The following TLE2 variants were observed in gnomAD, a reference collection of about 807,000 sequenced individuals.
The protein encoded by TLE2 is transducin-like enhancer protein 2.
In TLE2, 74 loss-of-function variants were observed where a neutral mutation model predicts 97.2. The ratio of observed to expected loss-of-function variants is 0.76; its 90% CI spans 0.63 to 0.92. The LOEUF (loss-of-function observed/expected upper bound fraction) is 0.92. TLE2 is among the 40% of genes least tolerant of loss of function. The pLI is 0.00. For synonymous variants in TLE2, 499 were observed against 432.1 expected (o/e 1.15, Z -1.92); for missense variants, 1,038 against 1,008.7 (o/e 1.03, Z -0.39).
upstream of TLE2, among the ~76,000 whole-genome samples, chr19:3,032,657 G>GCA (rs907894725): frequency 2.6e-5 from 4 of 152,084 alleles, no homozygotes; most frequent in African/African-American, 9.7e-5. This position sits in a 1 kb window ranked among gnomAD's most constrained non-coding sequence, Gnocchi z 4.1. Flanking sequence ...GCGGGGCCTG[G>GCA]CACACAGTAA....
At chr19:3,003,945 G>A (rs2089421254) in intron 17 of TLE2, among the ~76,000 whole-genome samples, 1 of 152,096 alleles carries the variant, frequency 6.6e-6, no homozygotes, top group Admixed American at 6.5e-5. Flanking sequence ...GACCTCAAGT[G>A]ATCCACCCAC....
chr19:3,046,603 G>A (rs1329836821), upstream of TLE2, among the ~76,000 whole-genome samples: 3 of 149,552 alleles, frequency 2.0e-5, no homozygotes, highest in African/African-American at 7.4e-5. Flanking sequence ...CTCCGCTAGA[G>A]TCCTGCCACC....
chr19:3,005,526 G>C lies in TLE2; in HGVS notation c.1807C>G (p.Arg603Gly), dbSNP rs760003015. The C allele has an allele frequency of 1.2e-6, 2 of 1,613,552 alleles. No individual in the cohort carries two copies. Among genetic ancestry groups the C allele is most frequent in the Admixed American group, 1.7e-5 (1 of 59,918 alleles). ...SCIDISDYGTRLWTGGLDNTV... is the reference protein window; with the variant it reads ...SCIDISDYGTGLWTGGLDNTV... The stretch of plus-strand genomic sequence containing the variant: ...TTGTCCAGGCCCCCTGTCCAGAGCC[G>C]AGTGCCGTAATCGGAAATATCAATG... Residue 603 changes from arginine (R) to glycine (G), a missense_variant, in exon 17 of 20, where the codon CGG (arginine) becomes GGG (glycine). By Grantham distance (125) the Arg-to-Gly change is moderately radical. Transcript: ENST00000262953.
intron 18 of TLE2, among the ~76,000 whole-genome samples, chr19:3,001,828 A>C (rs1599193274): frequency 2.5e-4 from 28 of 110,910 alleles, no homozygotes; most frequent in East Asian, 1.0e-3. Flanking sequence ...ATAGAATCTC[A>C]CTCTTGTCTC....
At chr19:3,017,937 G>T in intron 7 of TLE2, 78 bp from the exon 8 acceptor site, 1 of 1,416,094 alleles carries the variant, frequency 7.1e-7, no homozygotes, top group Non-Finnish European at 9.8e-7. Context: ...AGAGGGTACA[G>T]CCCTCCAGTT....
chr19:3,025,657 GACGAGA>G (rs1242615789), intron 4 of TLE2: 1 of 975,916 alleles, frequency 1.0e-6, no homozygotes, highest in Non-Finnish European at 1.2e-6. Flanking sequence ...AGGCTGAGCA[GACGAGA>G]AGGCGTGTGG....
chr19:3,015,993 G>A, intron 8 of TLE2: 2 of 621,056 alleles, frequency 3.2e-6, no homozygotes, highest in Non-Finnish European at 6.0e-6. Flanking sequence ...CTGGAGTGCA[G>A]TGGAGCCATC....
intron 18 of TLE2, among the ~76,000 whole-genome samples, chr19:3,001,512 G>T (rs538929826): frequency 1.6e-3 from 245 of 152,050 alleles, no homozygotes; most frequent in African/African-American, 5.3e-3. Flanking sequence ...AAGAGATAGG[G>T]TCTCACTGTA....
intron 19 of TLE2, among the ~76,000 whole-genome samples, chr19:2,999,462 T>C (rs1424258185): frequency 6.6e-6 from 1 of 152,114 alleles, no homozygotes; most frequent in Non-Finnish European, 1.5e-5. Context: ...GTGTGGTGGC[T>C]CACACCTGTA....
rs762816268 is a variant in TLE2 at position 3,019,449 on chromosome 19, C to T, written c.384G>A (p.Pro128=). 1.1e-5 allele frequency: 17 copies of T among 1,520,864 alleles called. No homozygotes were observed. The Admixed American group carries it at 2.1e-4, about 18-fold the overall frequency. 94.2% of individuals were successfully genotyped at this position (1,520,864 alleles called of 1,614,324 possible). Residue 128 remains proline (P), a synonymous_variant, in exon 7 of 20, where the codon CCG becomes CCA. Transcript: ENST00000262953. The surrounding 1 kb of genome is among the most constrained non-coding windows in gnomAD (Gnocchi z 5.1). Reference sequence around the variant, plus strand: ...GCACAGGGGGTGCGTGGTGGGACAGCGGCTGGAGCTGCTGCTGCTAGAAAG... The same window carrying T: ...GCACAGGGGGTGCGTGGTGGGACAGTGGCTGGAGCTGCTGCTGCTAGAAAG... ...LNSLIGQQLQ[P]LSHHAPPVPL... is the part of the protein sequence containing the mutation.
intron 5 of TLE2, among the ~76,000 whole-genome samples, chr19:3,022,337 C>G (rs1404524430): frequency 1.3e-5 from 2 of 152,032 alleles, no homozygotes; most frequent in Non-Finnish European, 1.5e-5. Flanking sequence ...GCCTGGCCAA[C>G]ATGGTGAAAC....
chr19:3,022,866 A>C (rs939170836), intron 5 of TLE2, among the ~76,000 whole-genome samples: 5 of 152,130 alleles, frequency 3.3e-5, no homozygotes, highest in Admixed American at 2.6e-4. Context: ...TCTCTGTTGC[A>C]ACTACCAAAC....
upstream of TLE2, among the ~76,000 whole-genome samples, chr19:3,033,325 G>A (rs1476142496): frequency 2.6e-5 from 4 of 151,822 alleles, no homozygotes; most frequent in East Asian, 3.9e-4. Context: ...CCACCACCAC[G>A]CCCAGCTAAT....
intron 1 of TLE2, among the ~76,000 whole-genome samples, chr19:3,037,077 G>A (rs1332323637): frequency 6.6e-6 from 1 of 152,218 alleles, no homozygotes; most frequent in Non-Finnish European, 1.5e-5. Flanking sequence ...CTGAGGCCAG[G>A]AGTTCGAGAC....
intron 5 of TLE2, among the ~76,000 whole-genome samples, chr19:3,021,333 A>T (rs910587922): frequency 6.6e-6 from 1 of 150,896 alleles, no homozygotes; most frequent in Non-Finnish European, 1.5e-5. Flanking sequence ...TGAACCCGGG[A>T]GTTAGAGATT....
chr19:3,002,389 C>T lies in TLE2; in HGVS notation c.2011G>A (p.Glu671Lys), dbSNP rs375113461. 14 of 1,613,598 alleles carry T rather than the reference C, an allele frequency of 8.7e-6. No homozygotes were observed. The highest frequency in any genetic ancestry group is 8.0e-5 in the African/African-American group (6 of 74,924). The change falls in exon 18 of 20, where the codon GAG becomes AAG. Residue 671 changes from glutamate (E) to lysine (K), a missense_variant. Glu to Lys is a moderately conservative substitution (Grantham distance 56). Coordinates refer to ENST00000262953, the MANE Select transcript of TLE2 (RefSeq NM_003260.5). ...AACTTCAGGGACAGCACGCAGCTCT[C>T]GTGGAGGTGCAGCTGGTATTTCTCC... ...KPEKYQLHLH[E>K]SCVLSLKFAS...
chr19:3,029,558 C>CGGGG (rs756651385), upstream of TLE2: 55 of 227,050 alleles, frequency 2.4e-4, no homozygotes, highest in South Asian at 7.3e-4. Flanking sequence ...ACCGTGGGAG[C>CGGGG]GGGGGGGGGG....
At chr19:3,036,002 C>T (rs2090060036) in intron 1 of TLE2, among the ~76,000 whole-genome samples, 1 of 152,144 alleles carries the variant, frequency 6.6e-6, no homozygotes, top group Admixed American at 6.5e-5. Flanking sequence ...AGCTAGCTGG[C>T]GGAGCAGAGG....
At chr19:2,998,278 A>AGTGTGTGTGTGTGTGTGTTT (rs1568227433) in intron 19 of TLE2, among the ~76,000 whole-genome samples, 1 of 106,702 alleles carries the variant, frequency 9.4e-6, no homozygotes, top group African/African-American at 4.2e-5. Flanking sequence ...TGTGTGTGTA[A>AGTGTGTGTGTGTGTGTGTTT]TTTTTTTTTT....
Sources: allele counts gnomAD v4.1 joint callset (sites outside exome capture counted in the v4.1 genomes callset), GRCh38; gene constraint gnomAD v4.1.1; non-coding constraint Gnocchi (gnomAD v3.1); transcripts MANE v1.5; gene names NCBI Gene and HGNC (gene_info 2026-07-23, HGNC 2026-07-21).